Variants in IRAG2 observed in about 807,000 individuals in gnomAD.
The protein encoded by IRAG2 is lymphoid restricted membrane protein.
Under a neutral mutation model 69.9 loss-of-function variants are expected in IRAG2, and 45 were observed. That is an observed-to-expected ratio of 0.64 (90% CI 0.51 to 0.83). IRAG2 has a LOEUF of 0.83. IRAG2 is among the 40% of genes least tolerant of loss of function. IRAG2 has a pLI of 0.00. For synonymous variants in IRAG2, 193 were observed against 202.4 expected (o/e 0.95, Z 0.40); for missense variants, 520 against 587.0 (o/e 0.89, Z 1.18).
intron 8 of IRAG2, among the ~76,000 whole-genome samples, chr12:25,024,894 AGAAG>A (rs1156775812): frequency 6.6e-6 from 1 of 152,244 alleles, no homozygotes; most frequent in Non-Finnish European, 1.5e-5. Flanking sequence ...GAATTGAGAT[AGAAG>A]GAAGATTGAA....
chr12:25,003,478 T>A (rs1006025391), upstream of IRAG2, among the ~76,000 whole-genome samples: 3 of 150,922 alleles, frequency 2.0e-5, no homozygotes, highest in African/African-American at 7.3e-5. Context: ...CCTGAGTAGC[T>A]GGAACTACAG....
intron 14 of IRAG2, 147 bp from the exon 15 acceptor site, chr12:25,096,763 T>C (rs1948445413): frequency 1.6e-6 from 1 of 617,970 alleles, no homozygotes; most frequent in South Asian, 2.3e-5. Flanking sequence ...ATCAGTATCA[T>C]TCATTATTGA....
At position 25,089,897 on chromosome 12, in the gene IRAG2, G is replaced by T. The variant is rs528032873; in HGVS notation, c.465+107G>T. ...GCTCTCATATGCTCGGTGTCTGTTT[G>T]GCTTGGCTGTGACTCAGTGCAGGTG... On this transcript the variant is annotated intron_variant, in intron 13 of 21. Coordinates refer to ENST00000556887, the MANE Select transcript of IRAG2 (RefSeq NM_001366544.2). 7.4e-6 allele frequency: 10 copies of T among 1,345,314 alleles called. No individual in the cohort carries two copies. In the African/African-American group the frequency reaches 1.3e-4, roughly 17 times the overall value. The allele number at this position is 1,345,314 out of a possible 1,614,324, so 83.3% of individuals were successfully genotyped here. A position where few individuals can be genotyped will look rare whatever the true frequency, so the allele number is the denominator to read the frequency against.
intron 6 of IRAG2, among the ~76,000 whole-genome samples, chr12:25,077,222 T>TATATGATATATATATGAA (rs1178334490): frequency 2.9e-5 from 3 of 104,096 alleles, no homozygotes; most frequent in African/African-American, 9.8e-5. Flanking sequence ...ATATATGAAA[T>TATATGATATATATATGAA]ATATATGATA....
Position 25,043,432 on chromosome 12 carries a change from G to A in IRAG2, c.2144+5295G>A, listed in dbSNP as rs543378484. Among the ~76,000 whole-genome samples, 6 of 152,212 alleles carry A rather than the reference G, an allele frequency of 3.9e-5. No homozygotes were observed. The South Asian group carries it at 1.2e-3, about 32-fold the overall frequency. ...TAGATGCCTGGATACCACTGAAAAC[G>A]AAGAAGGTAGTTTGAACTAGCATGC... On this transcript the variant is annotated intron_variant, in intron 16 of 38. Coordinates refer to the IRAG2 transcript ENST00000636465.
chr12:25,035,827 G>T, intron 14 of IRAG2: 2 of 398,796 alleles, frequency 5.0e-6, no homozygotes, highest in East Asian at 3.6e-5. Flanking sequence ...TTCCGTTTTG[G>T]CTGGCAATAT....
At chr12:25,066,855 G>A (rs1296127353) in intron 5 of IRAG2, among the ~76,000 whole-genome samples, 1 of 151,762 alleles carries the variant, frequency 6.6e-6, no homozygotes, top group East Asian at 1.9e-4. Flanking sequence ...TTGCCACGTT[G>A]GCCAGGCTGG....
chr12:25,017,276 C>A (rs1002836654), exon 6 of IRAG2: 32 of 1,232,024 alleles, frequency 2.6e-5, no homozygotes, highest in Non-Finnish European at 3.2e-5. Flanking sequence ...TACCGAATTG[C>A]GCCTTCAGGT....
At chr12:25,075,521 CGTGTGTGT>C (rs747046833) in intron 6 of IRAG2, among the ~76,000 whole-genome samples, 2,911 of 139,368 alleles carry the variant, frequency 0.021, 85 homozygotes, top group African/African-American at 0.065. Context: ...TGTGTGTATG[CGTGTGTGT>C]GTGTGTGTGT....
exon 1 of IRAG2, chr12:25,004,726 A>G (rs1018621701): frequency 7.3e-6 from 9 of 1,232,052 alleles, no homozygotes; most frequent in Non-Finnish European, 8.1e-6. Flanking sequence ...ACAGAGCAAC[A>G]AGAATTATAC....
intron 5 of IRAG2, among the ~76,000 whole-genome samples, chr12:25,015,746 C>G (rs564765538): frequency 6.6e-6 from 1 of 152,306 alleles, no homozygotes; most frequent in African/African-American, 2.4e-5. Flanking sequence ...ACCTTACACT[C>G]TTTTGGAAAT....
upstream of IRAG2, among the ~76,000 whole-genome samples, chr12:25,001,264 C>T (rs866971548): frequency 9.9e-5 from 15 of 151,908 alleles, no homozygotes; most frequent in Middle Eastern, 3.4e-3. Flanking sequence ...GAAACCCTGT[C>T]TCTACTAAAA....
intron 16 of IRAG2, chr12:25,101,934 C>G (rs760000857): frequency 4.6e-6 from 3 of 645,598 alleles, no homozygotes; most frequent in South Asian, 4.5e-5. Context: ...ATTCCTTTCT[C>G]CAGCAGACAC....
chr12:25,078,552 CTTG>C (rs1946975713), intron 6 of IRAG2, among the ~76,000 whole-genome samples: 1 of 151,990 alleles, frequency 6.6e-6, no homozygotes, highest in Admixed American at 6.5e-5. Flanking sequence ...ACTAGAAAAG[CTTG>C]TTATTAGAAA....
intron 14 of IRAG2, chr12:25,093,271 G>A (rs1478857965): frequency 6.5e-6 from 1 of 153,782 alleles, no homozygotes; most frequent in African/African-American, 2.4e-5. Context: ...TTTGCCATAA[G>A]ATATATTCCC....
intron 11 of IRAG2, among the ~76,000 whole-genome samples, chr12:25,089,277 G>C (rs963691027): frequency 4.6e-5 from 7 of 152,252 alleles, no homozygotes; most frequent in African/African-American, 1.7e-4. Context: ...AGAAGAACCA[G>C]GATACCAGTA....
upstream of IRAG2, among the ~76,000 whole-genome samples, chr12:25,049,567 A>G (rs1276151844): frequency 1.3e-5 from 2 of 152,242 alleles, no homozygotes; most frequent in African/African-American, 2.4e-5. Context: ...TTGAATAGGC[A>G]TTTCTCAAAA....
intron 11 of IRAG2, 102 bp from the exon 12 acceptor site, chr12:25,089,512 T>C: frequency 1.5e-6 from 1 of 661,904 alleles, no homozygotes; most frequent in Non-Finnish European, 2.6e-6. Flanking sequence ...CAGACATATT[T>C]AAATGAAATA....
Position 25,057,252 on chromosome 12 carries a change from A to ATTTT in IRAG2, c.-447+4317_-446-4316dup, listed in dbSNP as rs368710047. Among the ~76,000 whole-genome samples, 840 of 88,958 alleles carry ATTTT rather than the reference A, an allele frequency of 9.4e-3. 27 individuals are homozygous for ATTTT. Among genetic ancestry groups the ATTTT allele is most frequent in the Non-Finnish European group, 0.012 (592 of 50,708 alleles). 58.4% of individuals were successfully genotyped at this position (88,958 alleles called of 152,430 possible). ...GGTAGGTAGGTAGACAGGTAGACAG[A>ATTTT]TTTTTTTTTTTTTTTTTTTTTTTTG... On this transcript the variant is annotated intron_variant, in intron 1 of 21. Transcript: ENST00000556887.
Sources: gnomAD v4.1 joint callset for allele counts (sites outside exome capture counted in the v4.1 genomes callset) on GRCh38, gnomAD v4.1.1 for gene constraint, MANE v1.5 for transcripts, NCBI Gene and HGNC (gene_info 2026-07-23, HGNC 2026-07-21) for gene names.